The following CDC14A variants were observed in gnomAD, a reference collection of about 807,000 sequenced individuals.
The protein encoded by CDC14A is dual specificity protein phosphatase CDC14A.
A neutral mutation model predicts 74.4 loss-of-function variants in CDC14A; 53 were observed. That is an observed-to-expected ratio of 0.71 (90% CI 0.57 to 0.89). The LOEUF (loss-of-function observed/expected upper bound fraction) is 0.89. Among genes scored for constraint, CDC14A ranks in the 40% least tolerant of loss-of-function variants. The probability of loss-of-function intolerance (pLI) is 0.00; values close to 1 mark genes in which losing one functional copy is unlikely to be tolerated. For missense variants in CDC14A, 646 were observed against 713.7 expected (o/e 0.91, Z 1.08); for synonymous variants, 247 against 258.4 (o/e 0.96, Z 0.43).
intron 7 of CDC14A, among the ~76,000 whole-genome samples, chr1:100,450,199 A>G (rs1665993866): frequency 1.3e-5 from 2 of 152,144 alleles, no homozygotes; most frequent in African/African-American, 2.4e-5. Context: ...AGTCCTAACA[A>G]TTGCTCTTTA....
chr1:100,477,255 C>T (rs1434406038), intron 10 of CDC14A, among the ~76,000 whole-genome samples: 1 of 152,110 alleles, frequency 6.6e-6, no homozygotes, highest in Non-Finnish European at 1.5e-5. Context: ...GAAATTAATA[C>T]ATCTGCTTTG....
At chr1:100,350,290 G>A (rs1347542287), upstream of CDC14A, among the ~76,000 whole-genome samples, 9 of 151,812 alleles carry the variant, frequency 5.9e-5, no homozygotes, top group African/African-American at 2.2e-4. Flanking sequence ...GCAAGGTTTC[G>A]CCATGTTGGC....
At chr1:100,405,155 C>T (rs917860318) in intron 4 of CDC14A, among the ~76,000 whole-genome samples, 1 of 152,146 alleles carries the variant, frequency 6.6e-6, no homozygotes, top group Non-Finnish European at 1.5e-5. Flanking sequence ...GATGTTTTCT[C>T]CCTAGTTTTT....
intron 11 of CDC14A, among the ~76,000 whole-genome samples, chr1:100,494,155 A>T (rs1052299056): frequency 6.6e-6 from 1 of 152,182 alleles, no homozygotes; most frequent in Non-Finnish European, 1.5e-5. Context: ...TTCCATGAGT[A>T]TGTCCTTTTT....
intron 4 of CDC14A, among the ~76,000 whole-genome samples, chr1:100,413,211 T>C (rs1337694311): frequency 6.6e-6 from 1 of 152,182 alleles, no homozygotes; most frequent in Non-Finnish European, 1.5e-5. Context: ...GCAAAACTCT[T>C]GTTTCTCCTG....
At chr1:100,445,736 TC>T (rs1665469302) in intron 7 of CDC14A, among the ~76,000 whole-genome samples, 2 of 152,124 alleles carry the variant, frequency 1.3e-5, no homozygotes, top group African/African-American at 4.8e-5. Flanking sequence ...CAAACAAAAA[TC>T]TGACAAGAAG....
At chr1:100,484,554 C>A in intron 11 of CDC14A, 103 bp downstream of exon 11, 2 of 1,343,644 alleles carry the variant, frequency 1.5e-6, no homozygotes, top group Non-Finnish European at 1.9e-6. Flanking sequence ...CTGGATGCCA[C>A]GAGTACCAAG....
intron 4 of CDC14A, among the ~76,000 whole-genome samples, chr1:100,419,037 G>A (rs116802446): frequency 0.02 from 3,008 of 152,134 alleles, 108 homozygotes; most frequent in African/African-American, 0.069. Context: ...ATACAAAAAA[G>A]TAGCTGAATG....
At chr1:100,491,540 CTCTCTCTCTATATATA>C (rs1198599591) in intron 11 of CDC14A, among the ~76,000 whole-genome samples, 6 of 40,268 alleles carry the variant, frequency 1.5e-4, no homozygotes, top group African/African-American at 4.8e-4. Context: ...CTCTCTCTCT[CTCTCTCTCTATATATA>C]TATATATATA....
At chr1:100,502,615 G>A (rs955100921) in intron 15 of CDC14A, among the ~76,000 whole-genome samples, 3 of 152,226 alleles carry the variant, frequency 2.0e-5, no homozygotes, top group South Asian at 2.1e-4. Flanking sequence ...GATTACATAC[G>A]TAAAGGTATT....
intron 15 of CDC14A, among the ~76,000 whole-genome samples, chr1:100,512,286 G>A (rs2101479276): frequency 6.6e-6 from 1 of 152,078 alleles, no homozygotes; most frequent in East Asian, 1.9e-4. Context: ...AGGTTCCACA[G>A]TACAGTATAA....
intron 15 of CDC14A, chr1:100,504,834 C>G: frequency 6.5e-7 from 1 of 1,535,664 alleles, no homozygotes; most frequent in Non-Finnish European, 8.7e-7. Context: ...TACTGCTAGT[C>G]TTTAGGAAGC....
At chr1:100,381,069 G>A (rs1656032049) in intron 3 of CDC14A, among the ~76,000 whole-genome samples, 1 of 152,192 alleles carries the variant, frequency 6.6e-6, no homozygotes. Flanking sequence ...TAGACTATGA[G>A]CTTCTAGAGG....
chr1:100,378,388 A>G (rs1446288558), intron 3 of CDC14A, among the ~76,000 whole-genome samples: 1 of 152,236 alleles, frequency 6.6e-6, no homozygotes, highest in Admixed American at 6.5e-5. Context: ...ACAAAATGCT[A>G]TACAGAGGAC....
intron 3 of CDC14A, among the ~76,000 whole-genome samples, chr1:100,387,787 G>A (rs1440742861): frequency 6.6e-6 from 1 of 152,054 alleles, no homozygotes; most frequent in Non-Finnish European, 1.5e-5. Context: ...TCCAGGATAA[G>A]TCTCTGTATT....
rs1230959756 is a variant in CDC14A, at chr1:100,412,736, TA to T, written c.310-11485del. On this transcript the variant is annotated intron_variant, in intron 4 of 15. Coordinates refer to ENST00000336454, the MANE Select transcript of CDC14A (RefSeq NM_003672.4). Reference sequence around the variant, plus strand: ...TATATATATATATTTTATATATATATATTTTATATATATATATTTTATATAT... The same window carrying T: ...TATATATATATATTTTATATATATATTTTTATATATATATATTTTATATAT... 3.6e-5 allele frequency among the ~76,000 whole-genome samples: 4 copies of T among 111,234 alleles called. 1 individual carries two copies. In the East Asian group the frequency reaches 9.2e-4, roughly 25 times the overall value. 73.0% of individuals were successfully genotyped at this position (111,234 alleles called of 152,430 possible).
chr1:100,432,658 G>A (rs780205293), intron 5 of CDC14A, among the ~76,000 whole-genome samples: 24 of 152,114 alleles, frequency 1.6e-4, no homozygotes, highest in Non-Finnish European at 2.9e-4. Context: ...TTATAATTAT[G>A]TTCATTAATG....
At chr1:100,363,796 C>T (rs1653143667) in intron 2 of CDC14A, among the ~76,000 whole-genome samples, 1 of 152,068 alleles carries the variant, frequency 6.6e-6, no homozygotes, top group African/African-American at 2.4e-5. Flanking sequence ...TCTGAAATAT[C>T]AAAGTTTTAT....
rs28361223 is a variant in CDC14A at position 100,424,042 on chromosome 1, A to G, written c.310-180A>G. On this transcript the variant is annotated intron_variant, in intron 4 of 15. Coordinates refer to ENST00000336454, the MANE Select transcript of CDC14A (RefSeq NM_003672.4). ...TCTAAGCTTACCCATGGAGAAGACA[A>G]AGGCTGCTGCGCAGCTTCATGCTGA... The G allele has an allele frequency of 1.4e-4, 76 of 554,680 alleles. No individual in the cohort carries two copies. The Middle Eastern group carries it at 2.5e-3, about 18-fold the overall frequency. The allele number at this position is 554,680 out of a possible 1,614,324, so 34.4% of individuals were successfully genotyped here.
Sources: gnomAD v4.1 joint callset for allele counts (sites outside exome capture counted in the v4.1 genomes callset) on GRCh38, gnomAD v4.1.1 for gene constraint, MANE v1.5 for transcripts, NCBI Gene and HGNC (gene_info 2026-07-23, HGNC 2026-07-21) for gene names.